Variants in IFT140 observed in about 807,000 individuals in gnomAD.
IFT140 encodes the protein intraflagellar transport 140.
A neutral mutation model predicts 164.6 loss-of-function variants in IFT140; 133 were observed. The observed-to-expected ratio is 0.81, with a 90% CI of 0.70 to 0.93. IFT140 has a LOEUF of 0.93. Among genes scored for constraint, IFT140 ranks in the 40% least tolerant of loss-of-function variants. The pLI is 0.00. For synonymous variants in IFT140, 860 were observed against 817.3 expected, an observed-to-expected ratio of 1.05 and a Z score of -0.89; for missense variants, 2,045 against 1,972.3, an observed-to-expected ratio of 1.04 and a Z score of -0.70.
At chr16:1,552,288 T>C (rs985474768) in intron 19 of IFT140, among the ~76,000 whole-genome samples, 5 of 152,010 alleles carry the variant, frequency 3.3e-5, no homozygotes, top group African/African-American at 7.2e-5. Flanking sequence ...ATCGCCCCCC[T>C]GCTGGGCTGG....
chr16:1,555,707 C>T (rs549920526), intron 19 of IFT140: 2 of 152,376 alleles, frequency 1.3e-5, no homozygotes, highest in South Asian at 4.1e-4. Flanking sequence ...CATACACACT[C>T]TTATCCACAC....
intron 19 of IFT140, chr16:1,555,516 G>A (rs560420280): frequency 5.0e-5 from 8 of 160,314 alleles, no homozygotes; most frequent in Non-Finnish European, 1.1e-4. Context: ...AATCGTGTTC[G>A]TGTCTGTTTT....
At chr16:1,568,828 C>T (rs369103364) in intron 14 of IFT140, among the ~76,000 whole-genome samples, 103 of 152,310 alleles carry the variant, frequency 6.8e-4, no homozygotes, top group African/African-American at 2.4e-3. Context: ...GCCTTATGCT[C>T]TGTTTCCGCG....
At chr16:1,524,035 G>C (rs993856331) in intron 24 of IFT140, 79 bp from the exon 25 acceptor site, 1 of 1,540,042 alleles carries the variant, frequency 6.5e-7, no homozygotes, top group African/African-American at 1.4e-5. Flanking sequence ...ATGTGGCCGG[G>C]TGCGAACCCG....
Position 1,566,292 on chromosome 16 carries a change from C to T in IFT140, c.1771-1G>A, listed in dbSNP as rs1420270082. The T allele has an allele frequency of 6.2e-7, 1 of 1,612,934 alleles. No homozygotes were observed. The highest frequency in any genetic ancestry group is 1.3e-5 in the African/African-American group (1 of 74,878). On this transcript the variant is annotated splice_acceptor_variant, in intron 15 of 30. Coordinates refer to ENST00000426508, the MANE Select transcript of IFT140 (RefSeq NM_014714.4). LOFTEE classifies it high-confidence loss of function. ...TTTTGGAATCAGGGCTGTTGTCAGC[C>T]TAGGAGAAGAGAAAACCAGAAAGCT...
At chr16:1,556,954 A>C (rs2033126795) in intron 19 of IFT140, among the ~76,000 whole-genome samples, 1 of 152,038 alleles carries the variant, frequency 6.6e-6, no homozygotes, top group African/African-American at 2.4e-5. Flanking sequence ...GGACTTCAGG[A>C]ACGCACCACA....
chr16:1,558,248 A>T, intron 18 of IFT140, 114 bp from the exon 19 acceptor site: 1 of 1,031,904 alleles, frequency 9.7e-7, no homozygotes, highest in Non-Finnish European at 1.4e-6. Context: ...CTCTGCAGAC[A>T]GACAGATATT....
intron 29 of IFT140, 28 bp downstream of exon 29, chr16:1,519,853 C>A: frequency 6.6e-7 from 1 of 1,514,766 alleles, no homozygotes; most frequent in East Asian, 2.3e-5. Context: ...TCTGCCCTGG[C>A]CTGTCCCCGC....
At chr16:1,582,301 G>A (rs2034615246) in intron 12 of IFT140, among the ~76,000 whole-genome samples, 1 of 152,194 alleles carries the variant, frequency 6.6e-6, no homozygotes, top group Admixed American at 6.5e-5. Flanking sequence ...GAGGGAGGGA[G>A]GCAGATTTCA....
At chr16:1,529,991 G>A (rs542636829) in intron 19 of IFT140, among the ~76,000 whole-genome samples, 7 of 152,310 alleles carry the variant, frequency 4.6e-5, no homozygotes, top group Admixed American at 4.6e-4. Context: ...GCTCCTCACA[G>A]ACGTCTCACT....
intron 2 of IFT140, among the ~76,000 whole-genome samples, chr16:1,607,675 GCT>G (rs2036146357): frequency 6.6e-6 from 1 of 152,282 alleles, no homozygotes; most frequent in African/African-American, 2.4e-5. Context: ...ACCAAGTCTT[GCT>G]CTGTCACCCA....
intron 6 of IFT140, among the ~76,000 whole-genome samples, chr16:1,590,872 C>G (rs2035144539): frequency 6.6e-6 from 1 of 152,094 alleles, no homozygotes; most frequent in Non-Finnish European, 1.5e-5. Context: ...TTCAAGTGAT[C>G]CTCCCAACCA....
chr16:1,591,623 G>T (rs947713409), intron 6 of IFT140, among the ~76,000 whole-genome samples: 8 of 152,106 alleles, frequency 5.3e-5, no homozygotes, highest in Admixed American at 3.9e-4. Context: ...ACTTCATATT[G>T]CATTTATTCT....
At chr16:1,595,939 C>T (rs1483886728) in intron 4 of IFT140, among the ~76,000 whole-genome samples, 2 of 151,978 alleles carry the variant, frequency 1.3e-5, no homozygotes, top group Admixed American at 6.6e-5. Context: ...TGCTGTAATC[C>T]CAGCTACTTG....
rs1490576630 is a variant in IFT140, at chr16:1,607,213, G to A, written c.54C>T (p.Pro18=). ...QIEAPDAAGS[P]SFISWHPVHP... is the part of the protein sequence containing the mutation. ...GGACAGGGTGCCAGCTGATAAATGA[G>A]GGTGACCCTGCTGCATCCGGGGCTT... The change falls in exon 3 of 31, where the codon CCC becomes CCT. Residue 18 remains proline (P), a synonymous_variant. Transcript: ENST00000426508. 6.2e-7 allele frequency: 1 copy of A among 1,614,158 alleles called. No homozygotes were observed. Among genetic ancestry groups the A allele is most frequent in the Admixed American group, 1.7e-5 (1 of 60,014 alleles).
intron 26 of IFT140, among the ~76,000 whole-genome samples, 194 bp downstream of exon 26, chr16:1,523,324 G>A (rs144857158): frequency 1.2e-4 from 18 of 151,738 alleles, no homozygotes; most frequent in African/African-American, 1.9e-4. Flanking sequence ...AGATGCCAGC[G>A]TGAAGGATGG....
chr16:1,588,016 C>T lies in IFT140; in HGVS notation c.819G>A (p.Leu273=), dbSNP rs763445046. 29 of 1,613,572 alleles carry T rather than the reference C, an allele frequency of 1.8e-5. No homozygotes were observed. Among genetic ancestry groups the T allele is most frequent in the Non-Finnish European group, 2.4e-5 (28 of 1,179,852 alleles). Residue 273 remains leucine, a synonymous_variant, in exon 8 of 31, where the codon CTG becomes CTA. Transcript: ENST00000426508. The stretch of plus-strand genomic sequence containing the variant: ...CTGCCCGGCGGCCGGTTTTCCCGCT[C>T]AGCTTGACCTGTGTGAGGAAACAAC... The part of the protein sequence containing the change: ...GKAEEVMKVK[L]SGKTGRRADI...
intron 14 of IFT140, among the ~76,000 whole-genome samples, chr16:1,568,861 T>C (rs1024127484): frequency 6.6e-6 from 1 of 152,234 alleles, no homozygotes; most frequent in Non-Finnish European, 1.5e-5. Context: ...ACGTGGGGAC[T>C]GCTTCATCGC....
At chr16:1,541,477 C>T (rs2031629302) in intron 19 of IFT140, 2 of 985,290 alleles carry the variant, frequency 2.0e-6, no homozygotes, top group Admixed American at 6.1e-5. Context: ...GGAGCTGGCC[C>T]CCCGCGGAGT....
Sources: allele counts gnomAD v4.1 joint callset (sites outside exome capture counted in the v4.1 genomes callset), GRCh38; gene constraint gnomAD v4.1.1; transcripts MANE v1.5; gene names NCBI Gene and HGNC (gene_info 2026-07-23, HGNC 2026-07-21).